CLSTN3: variants seen among roughly 807,000 people sequenced by gnomAD.
CLSTN3 encodes calsyntenin-3.
A neutral mutation model predicts 95.9 loss-of-function variants in CLSTN3; 36 were observed. That is an observed-to-expected ratio of 0.38 (90% CI 0.29 to 0.50). CLSTN3 has a LOEUF of 0.50. Among genes scored for constraint, CLSTN3 ranks in the 20% least tolerant of loss-of-function variants. The probability of loss-of-function intolerance (pLI) is 0.95; values close to 1 mark genes in which losing one functional copy is unlikely to be tolerated. For missense variants in CLSTN3, 1,084 were observed against 1,268.8 expected, an observed-to-expected ratio of 0.85 and a Z score of 2.21; for synonymous variants, 481 against 504.0, an observed-to-expected ratio of 0.95 and a Z score of 0.61.
At chr12:7,147,706 G>T (rs1388770520) in intron 12 of CLSTN3, among the ~76,000 whole-genome samples, 5 of 151,558 alleles carry the variant, frequency 3.3e-5, no homozygotes, top group African/African-American at 1.2e-4. Flanking sequence ...GTAGAGACGG[G>T]GTTTCACTAT....
chr12:7,133,492 G>A lies in CLSTN3; in HGVS notation c.188-81G>A. The A allele has an allele frequency of 7.3e-7, 1 of 1,373,278 alleles. No homozygotes were observed. The highest frequency in any genetic ancestry group is 1.2e-5 in the South Asian group (1 of 82,914). The allele number at this position is 1,373,278 out of a possible 1,614,324, so 85.1% of individuals were successfully genotyped here. ...GGGACAGGGCTTTGGGAGGAGAGGT[G>A]GAGCTGGACCCCAGGTGGGGAGACT... On this transcript the variant is annotated intron_variant, in intron 2 of 17. Coordinates refer to ENST00000266546, the MANE Select transcript of CLSTN3 (RefSeq NM_014718.4). The surrounding 1 kb of genome is among the most constrained non-coding windows in gnomAD (Gnocchi z 4.7).
At chr12:7,142,002 G>C in intron 9 of CLSTN3, 84 bp from the exon 10 acceptor site, 4 of 1,119,842 alleles carry the variant, frequency 3.6e-6, no homozygotes, top group South Asian at 1.5e-5. Flanking sequence ...ATGGGGATGA[G>C]AGGAAGACAT....
intron 16 of CLSTN3, among the ~76,000 whole-genome samples, chr12:7,155,711 T>A (rs536780597): frequency 2.1e-4 from 32 of 152,256 alleles, no homozygotes; most frequent in Non-Finnish European, 4.1e-4. Context: ...GCCAGTCCTG[T>A]CTTCACCTTG....
Position 7,137,847 on chromosome 12 carries a change from G to A in CLSTN3, c.1211-108G>A. 4 of 550,240 alleles carry A rather than the reference G, an allele frequency of 7.3e-6. No homozygotes were observed. Among genetic ancestry groups the A allele is most frequent in the East Asian group, 4.6e-5 (1 of 21,708 alleles). 34.1% of individuals were successfully genotyped at this position (550,240 alleles called of 1,614,324 possible). ...GGAAAGAAAAATGCTAGAGAACGAGGGAATGAGAGAGGATTAAGAGAATCC... is the reference window on the plus strand; with the variant it reads ...GGAAAGAAAAATGCTAGAGAACGAGAGAATGAGAGAGGATTAAGAGAATCC... On this transcript the variant is annotated intron_variant, in intron 7 of 17. Coordinates refer to ENST00000266546, the MANE Select transcript of CLSTN3 (RefSeq NM_014718.4). The surrounding 1 kb of genome is among the most constrained non-coding windows in gnomAD (Gnocchi z 4.4).
chr12:7,147,498 T>G (rs1939640099), intron 12 of CLSTN3, among the ~76,000 whole-genome samples: 1 of 127,714 alleles, frequency 7.8e-6, no homozygotes, highest in South Asian at 2.6e-4. Context: ...TCTTTTTCTT[T>G]TTCTTTCTTT....
rs180720125 is a variant in CLSTN3 at position 7,147,720 on chromosome 12, G to T, written c.1848-1252G>T. Among the ~76,000 whole-genome samples the T allele has an allele frequency of 3.6e-3, 554 of 151,904 alleles. 3 individuals are homozygous for T. The Middle Eastern group carries it at 0.054, about 15-fold the overall frequency. Reference sequence around the variant, plus strand: ...TGTAGAGACGGGGTTTCACTATGTTGCCCAGGCTGATCTCGAACTCCTAAG... The same window carrying T: ...TGTAGAGACGGGGTTTCACTATGTTTCCCAGGCTGATCTCGAACTCCTAAG... On this transcript the variant is annotated intron_variant, in intron 12 of 17. Transcript: ENST00000266546.
chr12:7,142,833 C>T (rs1397182392), intron 10 of CLSTN3, 36 bp from the exon 11 acceptor site: 1 of 1,586,488 alleles, frequency 6.3e-7, no homozygotes, highest in South Asian at 1.1e-5. Flanking sequence ...CTCCTCTCTT[C>T]TCACCTCCCG....
intron 12 of CLSTN3, among the ~76,000 whole-genome samples, chr12:7,145,921 G>T (rs746509688): frequency 6.6e-6 from 1 of 152,052 alleles, no homozygotes; most frequent in Non-Finnish European, 1.5e-5. Flanking sequence ...CCTCTGTGCC[G>T]CGTGTCTGAA....
chr12:7,156,552 C>T (rs917362536), intron 16 of CLSTN3: 38 of 456,640 alleles, frequency 8.3e-5, no homozygotes, highest in Admixed American at 2.1e-4. Context: ...TGTGAGCAGG[C>T]GGCCAGGTGG....
chr12:7,135,962 T>G lies in CLSTN3; in HGVS notation c.742+9T>G. ...TAAACCCAGCTGGCAAGGTGAGAGC[T>G]CAGCGCTGTGCCCCATCTTGTGAAT... is the stretch of plus-strand genomic sequence containing the variant. On this transcript the variant is annotated intron_variant, in intron 5 of 17. Coordinates refer to ENST00000266546, the MANE Select transcript of CLSTN3 (RefSeq NM_014718.4). 1 of 1,598,106 alleles carries G rather than the reference T, an allele frequency of 6.3e-7. No homozygotes were observed. The highest frequency in any genetic ancestry group is 8.5e-7 in the Non-Finnish European group (1 of 1,173,650).
intron 9 of CLSTN3, 76 bp from the exon 10 acceptor site, chr12:7,142,010 C>A (rs1278844478): frequency 8.7e-7 from 1 of 1,148,862 alleles, no homozygotes; most frequent in Non-Finnish European, 1.2e-6. Context: ...GAGAGGAAGA[C>A]ATCTCATTCC....
rs1360644328 is a variant in CLSTN3 at position 7,133,832 on chromosome 12, C to T, written c.383+64C>T. On this transcript the variant is annotated intron_variant, in intron 3 of 17. Coordinates refer to ENST00000266546, the MANE Select transcript of CLSTN3 (RefSeq NM_014718.4). The surrounding 1 kb of genome is among the most constrained non-coding windows in gnomAD (Gnocchi z 4.7). The stretch of plus-strand genomic sequence containing the variant: ...GTCCTCCTCCCTGCTCCCAAGCCCA[C>T]CATCCTCTGTCCGTGCGGTCATCGA... The T allele has an allele frequency of 7.3e-7, 1 of 1,361,046 alleles. No homozygotes were observed. The highest frequency in any genetic ancestry group is 1.0e-6 in the Non-Finnish European group (1 of 994,704). The allele number at this position is 1,361,046 out of a possible 1,614,324, so 84.3% of individuals were successfully genotyped here.
At chr12:7,134,016 C>G (rs2135795011) in intron 3 of CLSTN3, 1 of 415,422 alleles carries the variant, frequency 2.4e-6, no homozygotes, top group South Asian at 5.7e-5. Context: ...GCAGCCTAGC[C>G]TTTCTGGACT....
At chr12:7,129,705 T>C (rs1939241605), upstream of CLSTN3, 1 of 985,498 alleles carries the variant, frequency 1.0e-6, no homozygotes, top group African/African-American at 1.7e-5. This position sits in a 1 kb window ranked among gnomAD's most constrained non-coding sequence, Gnocchi z 5.5. Flanking sequence ...CCCAATTCTC[T>C]CTCGAACCTG....
rs746318546 is a variant in CLSTN3, at chr12:7,136,259, C to T, written c.796C>T (p.Pro266Ser). The T allele has an allele frequency of 5.6e-6, 9 of 1,614,090 alleles. No individual in the cohort carries two copies. Among genetic ancestry groups the T allele is most frequent in the East Asian group, 4.5e-5 (2 of 44,894 alleles). Residue 266 changes from proline (P) to serine (S), a missense_variant, in exon 6 of 18, where the codon CCT becomes TCT. Coordinates refer to ENST00000266546, the MANE Select transcript of CLSTN3 (RefSeq NM_014718.4). Reference sequence around the variant, plus strand: ...AGGTGCTGGGAGCTTGGCTTTGTTCCCTGGTATCCGCCTGGAGACCTGTGA... The same window carrying T: ...AGGTGCTGGGAGCTTGGCTTTGTTCTCTGGTATCCGCCTGGAGACCTGTGA... ...APGAGSLALF[P>S]GIRLETCDEP...
At chr12:7,140,465 G>T (rs1222575605) in intron 8 of CLSTN3, among the ~76,000 whole-genome samples, 1 of 152,160 alleles carries the variant, frequency 6.6e-6, no homozygotes, top group South Asian at 2.1e-4. Flanking sequence ...AGAGAGGAAA[G>T]AGAAGAGGGC....
chr12:7,141,556 G>T lies in CLSTN3; in HGVS notation c.1486+152G>T. 1.2e-6 allele frequency: 1 copy of T among 801,500 alleles called. No individual in the cohort carries two copies. 49.6% of individuals were successfully genotyped at this position (801,500 alleles called of 1,614,324 possible). A position where few individuals can be genotyped will look rare whatever the true frequency, so the allele number is the denominator to read the frequency against. On this transcript the variant is annotated intron_variant, in intron 9 of 17. Transcript: ENST00000266546. The surrounding 1 kb of genome is among the most constrained non-coding windows in gnomAD (Gnocchi z 4.1). ...GACTCTGAAGATCTCCATGGGAAGG[G>T]ACCACAGCCTCCCTCCCGTATCTCC...
At position 7,142,978 on chromosome 12, in the gene CLSTN3, G is replaced by A; in HGVS notation, c.1650G>A (p.Arg550=). ...TCATCGAGTGCCTCTATGCATGTCG[G>A]GAGGGGCTGGACTATAGGGATTTCG... ...REVIECLYAC[R]EGLDYRDFES... Residue 550 remains arginine (R), a synonymous_variant, in exon 11 of 18, where the codon CGG becomes CGA. Coordinates refer to ENST00000266546, the MANE Select transcript of CLSTN3 (RefSeq NM_014718.4). The A allele has an allele frequency of 6.2e-7, 1 of 1,614,208 alleles. No homozygotes were observed. Among genetic ancestry groups the A allele is most frequent in the Non-Finnish European group, 8.5e-7 (1 of 1,180,042 alleles).
At chr12:7,140,843 GC>G (rs1192851906) in intron 8 of CLSTN3, among the ~76,000 whole-genome samples, 2 of 152,190 alleles carry the variant, frequency 1.3e-5, no homozygotes. Context: ...GGGGTTTGAG[GC>G]TTCAGTGGGC....
Sources: allele counts gnomAD v4.1 joint callset (sites outside exome capture counted in the v4.1 genomes callset), GRCh38; gene constraint gnomAD v4.1.1; non-coding constraint Gnocchi (gnomAD v3.1); transcripts MANE v1.5; gene names NCBI Gene and HGNC (gene_info 2026-07-23, HGNC 2026-07-21).